Variants in KCNN2 observed in about 807,000 individuals in gnomAD.
The protein encoded by KCNN2 is potassium calcium-activated channel subfamily N member 2, also known as small conductance calcium-activated potassium channel protein 2.
Under a neutral mutation model 55.5 loss-of-function variants are expected in KCNN2, and 24 were observed. The observed-to-expected ratio is 0.43, with a 90% confidence interval of 0.31 to 0.61. KCNN2 has a LOEUF of 0.61. Ranked by LOEUF, KCNN2 falls within the 20% of genes least tolerant of loss-of-function variation. The pLI is 0.08. For synonymous variants in KCNN2, 431 were observed against 336.1 expected (o/e 1.28, Z -3.09); for missense variants, 754 against 853.6 (o/e 0.88, Z 1.45).
chr5:114,447,618 T>C (rs928464077), intron 3 of KCNN2, among the ~76,000 whole-genome samples: 1 of 152,204 alleles, frequency 6.6e-6, no homozygotes, highest in Non-Finnish European at 1.5e-5. Flanking sequence ...CAGAGGCTAT[T>C]CTCTCTCCAA....
At chr5:114,212,703 C>T (rs4705493) in intron 1 of KCNN2, among the ~76,000 whole-genome samples, 47,717 of 151,664 alleles carry the variant, frequency 0.31, 7,543 homozygotes, top group Middle Eastern at 0.44. Flanking sequence ...GAAGGACATC[C>T]GTGTAAGAAC....
intron 2 of KCNN2, among the ~76,000 whole-genome samples, chr5:114,276,902 G>A (rs114034877): frequency 0.016 from 2,466 of 151,914 alleles, 61 homozygotes; most frequent in African/African-American, 0.055. Context: ...TTATTTCACC[G>A]ATTAATTGAT....
chr5:114,478,102 G>A (rs1023050241), intron 5 of KCNN2, among the ~76,000 whole-genome samples: 3 of 152,126 alleles, frequency 2.0e-5, no homozygotes, highest in Non-Finnish European at 2.9e-5. Flanking sequence ...GGAGAGAGAG[G>A]TTGGAGCATG....
At chr5:114,228,389 T>G (rs1396122968) in intron 2 of KCNN2, among the ~76,000 whole-genome samples, 1 of 152,034 alleles carries the variant, frequency 6.6e-6, no homozygotes, top group Non-Finnish European at 1.5e-5. Context: ...AAACTAAGTT[T>G]CACAACTGCA....
chr5:114,304,666 T>C (rs1756232834), intron 2 of KCNN2, among the ~76,000 whole-genome samples: 1 of 152,196 alleles, frequency 6.6e-6, no homozygotes, highest in Admixed American at 6.5e-5. Flanking sequence ...CCACATAGCA[T>C]CCTTAGCCCT....
At chr5:114,449,908 ACG>A (rs34988174) in intron 3 of KCNN2, among the ~76,000 whole-genome samples, 1,852 of 66,080 alleles carry the variant, frequency 0.028, 13 homozygotes, top group Non-Finnish European at 0.039. Flanking sequence ...ACACACACAC[ACG>A]CGCGCGCTCG....
At chr5:114,276,151 C>A (rs1241598906) in intron 2 of KCNN2, among the ~76,000 whole-genome samples, 1 of 152,158 alleles carries the variant, frequency 6.6e-6, no homozygotes, top group African/African-American at 2.4e-5. Context: ...GAGTGAGTTT[C>A]TTAATTCTGA....
chr5:114,337,497 A>C (rs997543728), intron 2 of KCNN2, among the ~76,000 whole-genome samples: 1 of 152,234 alleles, frequency 6.6e-6, no homozygotes, highest in African/African-American at 2.4e-5. Context: ...AAATATCAAG[A>C]GTACAAAGTT....
chr5:114,315,922 A>T (rs1469816123), intron 2 of KCNN2, among the ~76,000 whole-genome samples: 1 of 152,138 alleles, frequency 6.6e-6, no homozygotes, highest in Non-Finnish European at 1.5e-5. Context: ...AGAGTAGGGA[A>T]GCTGTTAGGA....
At chr5:114,491,509 CT>C (rs11295961) in intron 6 of KCNN2, among the ~76,000 whole-genome samples, 99,493 of 109,990 alleles carry the variant, frequency 0.9, 44,712 homozygotes, top group East Asian at 0.95. Flanking sequence ...TCTGCTTTTT[CT>C]TTTTTTTTTT....
At chr5:114,472,201 T>G (rs1432176366) in intron 4 of KCNN2, among the ~76,000 whole-genome samples, 1 of 151,794 alleles carries the variant, frequency 6.6e-6, no homozygotes. Flanking sequence ...TGACCTTGCC[T>G]GGACCCTCCA....
intron 3 of KCNN2, among the ~76,000 whole-genome samples, chr5:114,427,370 C>A (rs780872400): frequency 2.7e-4 from 41 of 152,164 alleles, no homozygotes; most frequent in Non-Finnish European, 5.0e-4. Flanking sequence ...GGACCTTGGA[C>A]CAACTGAGGG....
intron 2 of KCNN2, among the ~76,000 whole-genome samples, chr5:114,268,499 T>G (rs1755255339): frequency 6.6e-6 from 1 of 152,252 alleles, no homozygotes; most frequent in Admixed American, 6.5e-5. Flanking sequence ...TATGAAGCCT[T>G]TTTTGTGCAA....
chr5:114,166,376 G>T (rs1752913739), intron 1 of KCNN2, among the ~76,000 whole-genome samples: 1 of 152,106 alleles, frequency 6.6e-6, no homozygotes, highest in Non-Finnish European at 1.5e-5. Flanking sequence ...AACCTCAGGC[G>T]AGTGTTACAT....
intron 2 of KCNN2, among the ~76,000 whole-genome samples, chr5:114,284,230 T>C (rs372572786): frequency 6.6e-6 from 1 of 152,248 alleles, no homozygotes; most frequent in South Asian, 2.1e-4. Context: ...AAATCTTTTC[T>C]GACTTTTAAT....
At chr5:114,080,332 A>T (rs1750784602) in intron 1 of KCNN2, among the ~76,000 whole-genome samples, 1 of 152,064 alleles carries the variant, frequency 6.6e-6, no homozygotes, top group African/African-American at 2.4e-5. Context: ...TGAGTTGGGA[A>T]TTTTTTCTCT....
intron 2 of KCNN2, among the ~76,000 whole-genome samples, chr5:114,391,488 C>T (rs147389478): frequency 3.3e-5 from 5 of 152,002 alleles, no homozygotes; most frequent in Non-Finnish European, 7.4e-5. Context: ...CAAGCTTTTC[C>T]GGCTCCAAAA....
rs144241435 is a variant in KCNN2, at chr5:114,175,386, T to C, written c.-270-46094T>C. 2.4e-4 allele frequency among the ~76,000 whole-genome samples: 37 copies of C among 152,296 alleles called. No homozygotes were observed. In the East Asian group the frequency reaches 7.0e-3, roughly 29 times the overall value. On this transcript the variant is annotated intron_variant, in intron 1 of 10. Coordinates refer to the KCNN2 transcript ENST00000512097. ...GGCATAGGTAAATTTGATTCCGCCC[T>C]TTAAAATAATGTACTCATAAATTTC...
intron 2 of KCNN2, among the ~76,000 whole-genome samples, chr5:114,321,387 C>A (rs1756611031): frequency 6.6e-6 from 1 of 152,162 alleles, no homozygotes; most frequent in Non-Finnish European, 1.5e-5. Flanking sequence ...GGCAGGTCTA[C>A]ATGTTTCTAA....
Sources: gnomAD v4.1 joint callset for allele counts (sites outside exome capture counted in the v4.1 genomes callset) on GRCh38, gnomAD v4.1.1 for gene constraint, MANE v1.5 for transcripts, NCBI Gene and HGNC (gene_info 2026-07-23, HGNC 2026-07-21) for gene names.